TPM3: variants seen among roughly 807,000 people sequenced by gnomAD.
TPM3 encodes the protein tropomyosin alpha-3 chain.
In TPM3, 16 loss-of-function variants were observed where a neutral mutation model predicts 43.1. The ratio of observed to expected loss-of-function variants is 0.37; its 90% confidence interval spans 0.25 to 0.56. TPM3 has a LOEUF of 0.56. TPM3 is among the 20% of genes least tolerant of loss of function. The pLI, the probability that TPM3 is intolerant of heterozygous loss-of-function variation, is 0.77. For missense variants in TPM3, 176 were observed against 337.2 expected (o/e 0.52, Z 3.74); for synonymous variants, 101 against 116.9 (o/e 0.86, Z 0.88).
At chr1:154,172,112 T>C in intron 5 of TPM3, 2 of 1,613,752 alleles carry the variant, frequency 1.2e-6, no homozygotes, top group East Asian at 2.2e-5. Flanking sequence ...CGGCTGTTAG[T>C]GATAGTCACG....
At chr1:154,191,139 A>T in intron 2 of TPM3, 47 bp downstream of exon 2, 1 of 1,613,794 alleles carries the variant, frequency 6.2e-7, no homozygotes, top group Non-Finnish European at 8.5e-7. Context: ...TAACATAAAG[A>T]TCTATATGTG....
At chr1:154,175,054 G>A (rs943234949) in intron 3 of TPM3, among the ~76,000 whole-genome samples, 8 of 151,950 alleles carry the variant, frequency 5.3e-5, no homozygotes, top group East Asian at 1.9e-4. Context: ...GGGGAAGGCC[G>A]GGCGCAGTGG....
chr1:154,176,662 A>G (rs1662356570), intron 2 of TPM3, among the ~76,000 whole-genome samples: 1 of 151,376 alleles, frequency 6.6e-6, no homozygotes, highest in African/African-American at 2.4e-5. Context: ...GGAAAAAAAA[A>G]AAAAAAAAAG....
downstream of TPM3, among the ~76,000 whole-genome samples, chr1:154,158,050 C>T (rs1468046732): frequency 6.6e-6 from 1 of 152,152 alleles, no homozygotes. Context: ...CTAGGTTTTG[C>T]CCACATAACA....
Position 154,172,377 on chromosome 1 carries a change from C to T in TPM3, c.566+531G>A, listed in dbSNP as rs147176599. 439 of 641,128 alleles carry T rather than the reference C, an allele frequency of 6.8e-4. 5 individuals carry two copies. Among genetic ancestry groups the T allele is most frequent in the East Asian group, 5.1e-3 (155 of 30,548 alleles). The allele number at this position is 641,128 out of a possible 1,614,324, so 39.7% of individuals were successfully genotyped here. The stretch of plus-strand genomic sequence containing the variant: ...TAATATCTACCCTTGCCCTAAGGTT[C>T]CCTAGCAGATTGGCAAAGTGGCCAA... On this transcript the variant is annotated intron_variant, in intron 5 of 9. Coordinates refer to ENST00000651641, the MANE Select transcript of TPM3 (RefSeq NM_152263.4).
chr1:154,175,058 G>A (rs1453179906), intron 3 of TPM3, among the ~76,000 whole-genome samples: 1 of 151,698 alleles, frequency 6.6e-6, no homozygotes, highest in Non-Finnish European at 1.5e-5. Context: ...AAGGCCGGGC[G>A]CAGTGGCTCA....
downstream of TPM3, chr1:154,158,940 G>A: frequency 1.3e-6 from 1 of 779,560 alleles, no homozygotes; most frequent in Non-Finnish European, 2.4e-6. Context: ...AGTAAGCTCA[G>A]TTTAATGGGC....
At position 154,164,907 on chromosome 1, in the gene TPM3, C is replaced by T. The variant is rs985565695; in HGVS notation, c.*3030G>A. Reference sequence around the variant, plus strand: ...AAATTAATTCTTCTTATATGTTATTCAGATCACAACATATCCTATTCAAAA... The same window carrying T: ...AAATTAATTCTTCTTATATGTTATTTAGATCACAACATATCCTATTCAAAA... On this transcript the variant is annotated 3_prime_UTR_variant, in exon 10 of 10. Coordinates refer to ENST00000651641, the MANE Select transcript of TPM3 (RefSeq NM_152263.4). 2.0e-5 allele frequency among the ~76,000 whole-genome samples: 3 copies of T among 152,188 alleles called. No individual in the cohort carries two copies. Among genetic ancestry groups the T allele is most frequent in the Non-Finnish European group, 4.4e-5 (3 of 68,036 alleles).
intron 3 of TPM3, among the ~76,000 whole-genome samples, chr1:154,174,310 AG>A (rs1327783011): frequency 6.8e-5 from 10 of 146,602 alleles, no homozygotes; most frequent in Admixed American, 1.4e-4. Context: ...ACTCCAGCCT[AG>A]GGGATAGAGT....
chr1:154,169,871 G>A, intron 8 of TPM3: 1 of 245,514 alleles, frequency 4.1e-6, no homozygotes, highest in East Asian at 1.1e-4. Context: ...AGTTCTCAAA[G>A]CAAAGAGTAC....
At chr1:154,191,379 TCTTGGAGCC>T in intron 1 of TPM3, 68 bp from the exon 2 acceptor site, 1 of 1,608,198 alleles carries the variant, frequency 6.2e-7, no homozygotes, top group Non-Finnish European at 8.5e-7. Context: ...GACCCTGGGC[TCTTGGAGCC>T]CTGAGTGTAA....
At chr1:154,168,289 A>G (rs1661201695) in intron 9 of TPM3, among the ~76,000 whole-genome samples, 2 of 152,152 alleles carry the variant, frequency 1.3e-5, no homozygotes, top group African/African-American at 4.8e-5. Context: ...CAGGGAACCA[A>G]TTAAACACAC....
At chr1:154,171,549 G>A (rs1361768225) in intron 5 of TPM3, 61 bp from the exon 6 acceptor site, 5 of 1,566,444 alleles carry the variant, frequency 3.2e-6, no homozygotes, top group South Asian at 1.1e-5. Flanking sequence ...TAAAAAAAGG[G>A]AGAGAGACAC....
rs752957406 is a variant in TPM3, at chr1:154,161,992, T to C, written c.*5945A>G. 6.6e-6 allele frequency among the ~76,000 whole-genome samples: 1 copy of C among 152,292 alleles called. No individual in the cohort carries two copies. Among genetic ancestry groups the C allele is most frequent in the Middle Eastern group, 3.4e-3 (1 of 294 alleles). ...TAGCTCCTTAAAGTTTTTGGTTCCC[T>C]GATAATAGCTAAAACAAAACAAACG... On this transcript the variant is annotated 3_prime_UTR_variant, in exon 10 of 10. Transcript: ENST00000651641.
rs771978710 is a variant in TPM3 at position 154,167,924 on chromosome 1, G to C, written c.*13C>G. 6.2e-7 allele frequency: 1 copy of C among 1,613,930 alleles called. No homozygotes were observed. On this transcript the variant is annotated 3_prime_UTR_variant, in exon 10 of 10. Coordinates refer to ENST00000651641, the MANE Select transcript of TPM3 (RefSeq NM_152263.4). ...AAGGGGGCAGATCCAGAACAGAGCA[G>C]AAACGGTGATAATTATCTGTATGAA...
rs1469518680 is a variant in TPM3 at position 154,163,472 on chromosome 1, G to T, written c.*4465C>A. Among the ~76,000 whole-genome samples the T allele has an allele frequency of 1.3e-5, 2 of 152,050 alleles. No homozygotes were observed. The highest frequency in any genetic ancestry group is 2.9e-5 in the Non-Finnish European group (2 of 68,018). ...CAAAATGTACCCTCAAATTACTAAA[G>T]TATCAATGCATGTCCCATTTTCAGT... is the stretch of plus-strand genomic sequence containing the variant. On this transcript the variant is annotated 3_prime_UTR_variant, in exon 10 of 10. Coordinates refer to ENST00000651641, the MANE Select transcript of TPM3 (RefSeq NM_152263.4).
chr1:154,170,043 C>A, intron 8 of TPM3: 1 of 294,056 alleles, frequency 3.4e-6, no homozygotes, highest in East Asian at 8.5e-5. Context: ...GGAAAGTAGC[C>A]ATGAAATGAC....
chr1:154,185,297 C>T (rs1367508476), intron 2 of TPM3, among the ~76,000 whole-genome samples: 1 of 149,236 alleles, frequency 6.7e-6, no homozygotes, highest in Non-Finnish European at 1.5e-5. Flanking sequence ...TGCTTAAATC[C>T]AGGAGGCAGA....
At chr1:154,177,129 G>A (rs1311809502) in intron 2 of TPM3, among the ~76,000 whole-genome samples, 3 of 152,134 alleles carry the variant, frequency 2.0e-5, no homozygotes, top group Non-Finnish European at 4.4e-5. Context: ...AGACTGGAAA[G>A]CAAAAGAATG....
Sources: gnomAD v4.1 joint callset for allele counts (sites outside exome capture counted in the v4.1 genomes callset) on GRCh38, gnomAD v4.1.1 for gene constraint, MANE v1.5 for transcripts, NCBI Gene and HGNC (gene_info 2026-07-23, HGNC 2026-07-21) for gene names.